Variants in POU6F2 observed in about 807,000 individuals in gnomAD.
The protein encoded by POU6F2 is POU domain, class 6, transcription factor 2.
A neutral mutation model predicts 71.3 loss-of-function variants in POU6F2; 31 were observed. The ratio of observed to expected loss-of-function variants is 0.43; its 90% CI spans 0.33 to 0.59. The LOEUF (loss-of-function observed/expected upper bound fraction) is 0.59. Among genes scored for constraint, POU6F2 ranks in the 20% least tolerant of loss-of-function variants. POU6F2 has a pLI of 0.04. For missense variants in POU6F2, 783 were observed against 856.8 expected, an observed-to-expected ratio of 0.91 and a Z score of 1.07; for synonymous variants, 347 against 355.7, an observed-to-expected ratio of 0.98 and a Z score of 0.27.
chr7:39,076,869 TACACACACACAC>T (rs67222549), intron 1 of POU6F2, among the ~76,000 whole-genome samples: 2 of 150,264 alleles, frequency 1.3e-5, no homozygotes, highest in South Asian at 2.1e-4. Context: ...AATGTTGAGA[TACACACACACAC>T]ACACACACAC....
At chr7:39,015,939 TAGA>T (rs1789510345) in intron 1 of POU6F2, among the ~76,000 whole-genome samples, 1 of 94,638 alleles carries the variant, frequency 1.1e-5, no homozygotes. Context: ...ATATAATATA[TAGA>T]TATATATTAT....
At chr7:39,292,680 A>T (rs553930846) in intron 4 of POU6F2, among the ~76,000 whole-genome samples, 11 of 152,306 alleles carry the variant, frequency 7.2e-5, no homozygotes, top group Admixed American at 2.0e-4. Context: ...ACATAAGCTG[A>T]CCATGGGGAG....
chr7:39,454,690 ATATATAT>A (rs1788749752), intron 8 of POU6F2, among the ~76,000 whole-genome samples: 1 of 43,748 alleles, frequency 2.3e-5, no homozygotes, highest in Non-Finnish European at 4.3e-5. Flanking sequence ...ATATATATAT[ATATATAT>A]ATATATATAT....
chr7:39,235,761 C>T (rs1485336591), intron 4 of POU6F2, among the ~76,000 whole-genome samples: 1 of 152,182 alleles, frequency 6.6e-6, no homozygotes, highest in Non-Finnish European at 1.5e-5. Context: ...TTTCCACCGT[C>T]ACCAGAAGTA....
intron 2 of POU6F2, among the ~76,000 whole-genome samples, chr7:39,179,801 A>T (rs1360622238): frequency 6.6e-6 from 1 of 152,158 alleles, no homozygotes; most frequent in Non-Finnish European, 1.5e-5. Flanking sequence ...GCTGGTGGGG[A>T]GCTGGGAGGA....
chr7:39,013,834 C>T (rs116776207), intron 1 of POU6F2, among the ~76,000 whole-genome samples: 1,526 of 152,248 alleles, frequency 0.01, 30 homozygotes, highest in African/African-American at 0.034. Context: ...TCATTTCATT[C>T]ATTTTAAAAA....
At chr7:39,034,491 T>C (rs1242895551) in intron 1 of POU6F2, 2 of 438,172 alleles carry the variant, frequency 4.6e-6, no homozygotes, top group Non-Finnish European at 9.3e-6. Flanking sequence ...TGGCATGGAC[T>C]GTAAGTAGCT....
intron 3 of POU6F2, among the ~76,000 whole-genome samples, chr7:39,204,639 T>G (rs1793971189): frequency 6.6e-6 from 1 of 152,144 alleles, no homozygotes; most frequent in Non-Finnish European, 1.5e-5. Flanking sequence ...AAAGTAAAAC[T>G]TTAATGACTG....
chr7:39,404,009 G>C (rs988727285), intron 5 of POU6F2, among the ~76,000 whole-genome samples: 1 of 152,154 alleles, frequency 6.6e-6, no homozygotes, highest in African/African-American at 2.4e-5. Flanking sequence ...CTGGAATGAC[G>C]GTAGGAAGTA....
chr7:39,237,040 A>AG (rs781000272), intron 4 of POU6F2, among the ~76,000 whole-genome samples: 9 of 152,308 alleles, frequency 5.9e-5, no homozygotes, highest in Admixed American at 4.6e-4. Context: ...GCAGTGTCTC[A>AG]GGGGCCGTCT....
At chr7:39,132,692 AAT>A (rs1355394209) in intron 2 of POU6F2, 1 of 152,252 alleles carries the variant, frequency 6.6e-6, no homozygotes, top group Non-Finnish European at 1.5e-5. Flanking sequence ...ATCTGACAAA[AAT>A]AGAGTTCAGA....
rs368734028 is a variant in POU6F2 at position 39,094,229 on chromosome 7, C to T, written c.277+8198C>T. Among the ~76,000 whole-genome samples, 93 of 152,104 alleles carry T rather than the reference C, an allele frequency of 6.1e-4. 2 individuals carry two copies. In the South Asian group the frequency reaches 0.018, roughly 29 times the overall value. On this transcript the variant is annotated intron_variant, in intron 2 of 9. Transcript: ENST00000518318. ...AGACAAGAAGATTCCTCAGGATTTG[C>T]GCAGTTTAATTCAGTAAAGAAATCT...
At chr7:39,015,799 ATATATATTATATAGG>A (rs1159542250) in intron 1 of POU6F2, among the ~76,000 whole-genome samples, 7 of 93,918 alleles carry the variant, frequency 7.5e-5, no homozygotes, top group Non-Finnish European at 1.3e-4. Context: ...TTATATATAG[ATATATATTATATAGG>A]TATATATTAT....
At chr7:39,221,677 G>A (rs559653549) in intron 4 of POU6F2, among the ~76,000 whole-genome samples, 1 of 152,106 alleles carries the variant, frequency 6.6e-6, no homozygotes, top group East Asian at 1.9e-4. Flanking sequence ...GTGAGCCATC[G>A]CACCTGGCCT....
At chr7:39,015,861 A>ATATAGAT (rs1491232563) in intron 1 of POU6F2, among the ~76,000 whole-genome samples, 3 of 57,246 alleles carry the variant, frequency 5.2e-5, no homozygotes, top group East Asian at 1.2e-3. Context: ...AGATATATAT[A>ATATAGAT]ATATATTATA....
chr7:39,001,526 T>C (rs1174236998), intron 1 of POU6F2, among the ~76,000 whole-genome samples: 3 of 152,174 alleles, frequency 2.0e-5, no homozygotes, highest in Non-Finnish European at 4.4e-5. Context: ...ACTAAGCTAG[T>C]GAATTATGAT....
chr7:38,977,994 A>G lies in POU6F2; in HGVS notation c.41A>G (p.His14Arg), dbSNP rs1485277759. 6.6e-6 allele frequency: 1 copy of G among 152,218 alleles called. No individual in the cohort carries two copies. Among genetic ancestry groups the G allele is most frequent in the Non-Finnish European group, 1.5e-5 (1 of 68,062 alleles). 9.4% of individuals were successfully genotyped at this position (152,218 alleles called of 1,614,324 possible). The change falls in exon 1 of 10, where the codon CAT (histidine) becomes CGT (arginine). Residue 14 changes from histidine (H) to arginine (R), a missense_variant. Around this residue, in one of 2 missense-constraint regions of POU6F2, gnomAD observed 572 missense variants for 572.9 expected, o/e 1.00. Coordinates refer to ENST00000518318, the MANE Select transcript of POU6F2 (RefSeq NM_001370959.1). ...CCCCATTCTCCTTTTCAAAGACAAC[A>G]TATGATGGATTGCTATCTCTCAGCG... is the stretch of plus-strand genomic sequence containing the variant. ...RNPHSPFQRQ[H>R]MMDCYLSAQQ...
chr7:39,323,374 A>G (rs1314939244), intron 4 of POU6F2, among the ~76,000 whole-genome samples: 1 of 152,198 alleles, frequency 6.6e-6, no homozygotes, highest in Non-Finnish European at 1.5e-5. Flanking sequence ...TTTAAGAAAA[A>G]TGGACAATAC....
intron 6 of POU6F2, among the ~76,000 whole-genome samples, chr7:39,427,399 T>C (rs185084539): frequency 7.4e-4 from 112 of 152,310 alleles, no homozygotes; most frequent in Non-Finnish European, 1.2e-3. Flanking sequence ...TTAAGGAGAA[T>C]TACCTTTAAT....
Sources: allele counts gnomAD v4.1 joint callset (sites outside exome capture counted in the v4.1 genomes callset), GRCh38; gene constraint gnomAD v4.1.1; regional missense constraint gnomAD v4.1.1; transcripts MANE v1.5; gene names NCBI Gene and HGNC (gene_info 2026-07-23, HGNC 2026-07-21).